The following PGBD5 variants were observed in gnomAD, a reference collection of about 807,000 sequenced individuals.
PGBD5 encodes the protein piggyBac transposable element-derived protein 5.
Under a neutral mutation model 47.9 loss-of-function variants are expected in PGBD5, and 14 were observed. The ratio of observed to expected loss-of-function variants is 0.29; its 90% confidence interval spans 0.19 to 0.46. The LOEUF (loss-of-function observed/expected upper bound fraction) is 0.46. Ranked by LOEUF, PGBD5 falls within the 20% of genes least tolerant of loss-of-function variation. PGBD5 has a pLI of 1.00. For missense variants in PGBD5, 635 were observed against 716.0 expected (o/e 0.89, Z 1.29); for synonymous variants, 316 against 306.3 (o/e 1.03, Z -0.33).
chr1:230,319,403 C>T lies in PGBD5; in HGVS notation c.*4022G>A, dbSNP rs1299777190. On this transcript the variant is annotated 3_prime_UTR_variant, in exon 7 of 7. Coordinates refer to ENST00000391860, the MANE Select transcript of PGBD5 (RefSeq NM_001258311.2). ...TCAGTGTCGTTGACTTGTTCTCGCC[C>T]CAATCCCAGGCAAGTGGGGAAATGT... is the stretch of plus-strand genomic sequence containing the variant. 6.6e-6 allele frequency: 1 copy of T among 152,274 alleles called. No homozygotes were observed. Among genetic ancestry groups the T allele is most frequent in the Non-Finnish European group, 1.5e-5 (1 of 68,092 alleles). The allele number at this position is 152,274 out of a possible 1,614,324, so 9.4% of individuals were successfully genotyped here.
intron 1 of PGBD5, among the ~76,000 whole-genome samples, chr1:230,381,612 C>CT (rs1201360044): frequency 6.6e-6 from 1 of 152,240 alleles, no homozygotes; most frequent in African/African-American, 2.4e-5. Context: ...CCACCCACTA[C>CT]TTTCTTCTGT....
intron 1 of PGBD5, among the ~76,000 whole-genome samples, chr1:230,415,268 CTG>C (rs1481383256): frequency 8.1e-6 from 1 of 124,172 alleles, no homozygotes; most frequent in African/African-American, 2.7e-5. Flanking sequence ...GAACGAGACT[CTG>C]TCTAAAAAAA....
At chr1:230,355,707 A>G (rs1667629073) in intron 2 of PGBD5, among the ~76,000 whole-genome samples, 1 of 152,198 alleles carries the variant, frequency 6.6e-6, no homozygotes, top group Non-Finnish European at 1.5e-5. Flanking sequence ...GATAACAGGG[A>G]ATCCACACGG....
chr1:230,382,566 C>T (rs1171108924), intron 1 of PGBD5, among the ~76,000 whole-genome samples: 2 of 152,204 alleles, frequency 1.3e-5, no homozygotes, highest in Non-Finnish European at 2.9e-5. Flanking sequence ...TTTAGGTTTA[C>T]ACAGAACAAA....
At position 230,357,457 on chromosome 1, in the gene PGBD5, C is replaced by T; in HGVS notation, c.332-136G>A. 3 of 931,198 alleles carry T rather than the reference C, an allele frequency of 3.2e-6. No individual in the cohort carries two copies. Among genetic ancestry groups the T allele is most frequent in the East Asian group, 2.6e-5 (1 of 37,836 alleles). 57.7% of individuals were successfully genotyped at this position (931,198 alleles called of 1,614,324 possible). On this transcript the variant is annotated intron_variant, in intron 1 of 6. Transcript: ENST00000391860. The surrounding 1 kb of genome is among the most constrained non-coding windows in gnomAD (Gnocchi z 5.7). Reference sequence around the variant, plus strand: ...GCCTCCAGTGCTACCGCCTTCCCCTCCAACCTTCCAGAAGCTGCTGCAACC... The same window carrying T: ...GCCTCCAGTGCTACCGCCTTCCCCTTCAACCTTCCAGAAGCTGCTGCAACC...
chr1:230,366,440 A>G (rs1264180536), intron 1 of PGBD5, among the ~76,000 whole-genome samples: 2 of 152,128 alleles, frequency 1.3e-5, no homozygotes, highest in African/African-American at 4.8e-5. Flanking sequence ...TTCACTGGTA[A>G]CTTGCCTATC....
At chr1:230,362,457 A>C in intron 1 of PGBD5, 1 of 1,239,116 alleles carries the variant, frequency 8.1e-7, no homozygotes, top group Non-Finnish European at 1.0e-6. Context: ...TCCCGCCTCA[A>C]GGCCTGATCC....
Position 230,409,188 on chromosome 1 carries a change from A to T in PGBD5, c.331+16410T>A, listed in dbSNP as rs555857177. ...ACTTCACACCTACCAGGAAGGCTGG[A>T]ATCAAAACAACAGGCATTAACAAGT... On this transcript the variant is annotated intron_variant, in intron 1 of 6. Coordinates refer to ENST00000391860, the MANE Select transcript of PGBD5 (RefSeq NM_001258311.2). Among the ~76,000 whole-genome samples, 17 of 152,332 alleles carry T rather than the reference A, an allele frequency of 1.1e-4. 1 individual carries two copies. Among genetic ancestry groups the T allele is most frequent in the African/African-American group, 4.1e-4 (17 of 41,572 alleles).
chr1:230,401,057 T>C (rs1286094623), intron 1 of PGBD5, among the ~76,000 whole-genome samples: 1 of 152,240 alleles, frequency 6.6e-6, no homozygotes, highest in Non-Finnish European at 1.5e-5. Flanking sequence ...AGACTGTCCT[T>C]GTCCCCTTCC....
At position 230,319,542 on chromosome 1, in the gene PGBD5, C is replaced by A. The variant is rs1326850114; in HGVS notation, c.*3883G>T. 1 of 150,900 alleles carries A rather than the reference C, an allele frequency of 6.6e-6. No homozygotes were observed. Among genetic ancestry groups the A allele is most frequent in the East Asian group, 2.1e-4 (1 of 4,652 alleles). The allele number at this position is 150,900 out of a possible 1,614,324, so 9.3% of individuals were successfully genotyped here. ...TTCCTCTCAGCCTGATGCTTGGTGA[C>A]CCCCCCTCACTGTTGGGGGGGCTGA... On this transcript the variant is annotated 3_prime_UTR_variant, in exon 7 of 7. Coordinates refer to ENST00000391860, the MANE Select transcript of PGBD5 (RefSeq NM_001258311.2).
At chr1:230,324,075 C>T (rs901285116) in intron 6 of PGBD5, among the ~76,000 whole-genome samples, 2 of 152,248 alleles carry the variant, frequency 1.3e-5, no homozygotes, top group African/African-American at 2.4e-5. Flanking sequence ...CCTTTGCCAT[C>T]CCCACCATCC....
At chr1:230,413,151 TA>T (rs1657448474) in intron 1 of PGBD5, among the ~76,000 whole-genome samples, 1 of 152,136 alleles carries the variant, frequency 6.6e-6, no homozygotes, top group Non-Finnish European at 1.5e-5. Context: ...AGTGAGGACT[TA>T]CTGTGCTTTG....
chr1:230,318,728 T>G lies in PGBD5; in HGVS notation c.*4697A>C, dbSNP rs1666985742. ...GATGAGACCCCACAGCTGGCTCCAC[T>G]CCCCCACCCCATCCCACTCTCCCCA... On this transcript the variant is annotated 3_prime_UTR_variant, in exon 7 of 7. Transcript: ENST00000391860. The G allele has an allele frequency of 1.3e-5, 2 of 152,140 alleles. No homozygotes were observed. Among genetic ancestry groups the G allele is most frequent in the Non-Finnish European group, 2.9e-5 (2 of 68,098 alleles). The allele number at this position is 152,140 out of a possible 1,614,324, so 9.4% of individuals were successfully genotyped here.
intron 1 of PGBD5, among the ~76,000 whole-genome samples, chr1:230,368,409 T>C (rs1365666822): frequency 6.6e-6 from 1 of 152,392 alleles, no homozygotes; most frequent in African/African-American, 2.4e-5. Flanking sequence ...ATTGGGATTC[T>C]GTCATTTATG....
chr1:230,314,702 C>T lies in PGBD5; in HGVS notation c.*8723G>A, dbSNP rs776504408. ...GCGTAAAGTGACAATCATGCCTTGG[C>T]GTAAAGTGAAAATCTTCACAGAAGG... On this transcript the variant is annotated 3_prime_UTR_variant, in exon 7 of 7. Transcript: ENST00000391860. The T allele has an allele frequency of 6.8e-6, 1 of 147,676 alleles. No individual in the cohort carries two copies. Among genetic ancestry groups the T allele is most frequent in the South Asian group, 2.1e-4 (1 of 4,690 alleles). 9.1% of individuals were successfully genotyped at this position (147,676 alleles called of 1,614,324 possible).
At chr1:230,390,124 C>T (rs1193137795) in intron 1 of PGBD5, among the ~76,000 whole-genome samples, 2 of 152,096 alleles carry the variant, frequency 1.3e-5, no homozygotes, top group South Asian at 2.1e-4. Flanking sequence ...TGTGACATGG[C>T]GGGACACAGC....
chr1:230,411,958 T>A (rs1379878039), intron 1 of PGBD5, among the ~76,000 whole-genome samples: 2 of 152,088 alleles, frequency 1.3e-5, no homozygotes, highest in African/African-American at 4.8e-5. Flanking sequence ...TGACAAAAGG[T>A]ATATAAAACA....
At chr1:230,326,531 TC>T (rs1302280410) in intron 5 of PGBD5, among the ~76,000 whole-genome samples, 1 of 152,188 alleles carries the variant, frequency 6.6e-6, no homozygotes, top group Non-Finnish European at 1.5e-5. Flanking sequence ...TGATCATAGC[TC>T]ACTGCAGCCT....
intron 1 of PGBD5, among the ~76,000 whole-genome samples, chr1:230,386,875 A>G (rs1438917759): frequency 1.3e-5 from 2 of 152,230 alleles, no homozygotes; most frequent in African/African-American, 4.8e-5. Flanking sequence ...GGATTTTGGA[A>G]AAGGAAGCCT....
Sources: allele counts gnomAD v4.1 joint callset (sites outside exome capture counted in the v4.1 genomes callset), GRCh38; gene constraint gnomAD v4.1.1; non-coding constraint Gnocchi (gnomAD v3.1); transcripts MANE v1.5; gene names NCBI Gene and HGNC (gene_info 2026-07-23, HGNC 2026-07-21).